The following RWDD3 variants were observed in gnomAD, a reference collection of about 807,000 sequenced individuals.
RWDD3 encodes the protein RWD domain containing 3.
A neutral mutation model predicts 26.5 loss-of-function variants in RWDD3; 30 were observed. The observed-to-expected ratio is 1.13, with a 90% CI of 0.85 to 1.54. The LOEUF (loss-of-function observed/expected upper bound fraction) is 1.54. Ranked by LOEUF, RWDD3 falls within the 40% of genes most tolerant of loss-of-function variation. RWDD3 has a pLI of 0.00. For missense variants in RWDD3, 296 were observed against 309.1 expected, an observed-to-expected ratio of 0.96 and a Z score of 0.32; for synonymous variants, 113 against 114.5, an observed-to-expected ratio of 0.99 and a Z score of 0.09.
chr1:95,239,218 G>C (rs12145650), intron 1 of RWDD3, among the ~76,000 whole-genome samples: 3,308 of 152,234 alleles, frequency 0.022, 89 homozygotes, highest in African/African-American at 0.062. Context: ...GCAGAGATTA[G>C]TATTAGATTT....
chr1:95,234,322 A>T lies in RWDD3; in HGVS notation c.85+7A>T. 6.3e-7 allele frequency: 1 copy of T among 1,584,984 alleles called. No individual in the cohort carries two copies. Among genetic ancestry groups the T allele is most frequent in the Non-Finnish European group, 8.6e-7 (1 of 1,165,672 alleles). ...GAGGTGCTGAGCCGCTCAGGTGACT[A>T]CCCGCGCGCGGGAGGGACAGGGCGC... On this transcript the variant is annotated splice_region_variant and intron_variant, in intron 1 of 3. Transcript: ENST00000370202.
chr1:95,234,433 G>C (rs888441497), intron 1 of RWDD3, 118 bp downstream of exon 1: 1 of 920,484 alleles, frequency 1.1e-6, no homozygotes, highest in African/African-American at 1.7e-5. Context: ...TGGGGACCGG[G>C]TTAGTTGAAT....
rs1680762837 is a variant in RWDD3, at chr1:95,244,431, G to T, written c.306G>T (p.Glu102Asp). 7 of 1,614,092 alleles carry T rather than the reference G, an allele frequency of 4.3e-6. No individual in the cohort carries two copies. Among genetic ancestry groups the T allele is most frequent in the Non-Finnish European group, 5.9e-6 (7 of 1,180,050 alleles). ...ESLLSEPMVH[E>D]LVLWIQQNLR... Reference sequence around the variant, plus strand: ...TTTTGTCGGAGCCTATGGTTCATGAGCTGGTTCTCTGGATTCAGCAGAATC... The same window carrying T: ...TTTTGTCGGAGCCTATGGTTCATGATCTGGTTCTCTGGATTCAGCAGAATC... The change falls in exon 2 of 4, where the codon GAG (glutamate) becomes GAT (aspartate). Residue 102 changes from glutamate to aspartate, a missense_variant. Coordinates refer to ENST00000370202, the MANE Select transcript of RWDD3 (RefSeq NM_015485.5).
At chr1:95,246,390 T>A (rs1680851260) in intron 2 of RWDD3, 152 bp from the exon 3 acceptor site, 1 of 565,432 alleles carries the variant, frequency 1.8e-6, no homozygotes, top group Non-Finnish European at 3.2e-6. Flanking sequence ...CTGCCAAGTA[T>A]GTTAAAACAA....
intron 1 of RWDD3, 97 bp from the exon 2 acceptor site, chr1:95,244,114 A>G: frequency 6.6e-7 from 1 of 1,509,810 alleles, no homozygotes; most frequent in Non-Finnish European, 8.8e-7. Flanking sequence ...TTTCTCATGA[A>G]AAATAAATTG....
chr1:95,236,367 G>T (rs915396889), intron 1 of RWDD3, among the ~76,000 whole-genome samples: 9 of 151,846 alleles, frequency 5.9e-5, no homozygotes, highest in African/African-American at 2.2e-4. Context: ...AAATGGGCTG[G>T]ATGTTGTGAG....
intron 1 of RWDD3, chr1:95,237,290 C>T (rs990556005): frequency 6.6e-6 from 1 of 152,216 alleles, no homozygotes; most frequent in Middle Eastern, 3.4e-3. Context: ...TTGGAGGATA[C>T]ACACTTGATA....
chr1:95,234,779 A>G lies in RWDD3; in HGVS notation c.85+464A>G, dbSNP rs181487166. ...TGCAGGAGGGCAGGGTCTGTTTGGT[A>G]ATGACTCCAGGCACCTGGTAGGTAG... On this transcript the variant is annotated intron_variant, in intron 1 of 3. Transcript: ENST00000370202. 5.2e-3 allele frequency among the ~76,000 whole-genome samples: 794 copies of G among 151,992 alleles called. 3 individuals carry two copies. The highest frequency in any genetic ancestry group is 9.3e-3 in the Non-Finnish European group (634 of 67,990).
Position 95,234,250 on chromosome 1 carries a change from A to G in RWDD3, c.20A>G (p.Glu7Gly), listed in dbSNP as rs1048028175. The change falls in exon 1 of 4, where the codon GAG becomes GGG. Residue 7 changes from glutamate (E) to glycine (G), a missense_variant. Coordinates refer to ENST00000370202, the MANE Select transcript of RWDD3 (RefSeq NM_015485.5). ...ACAGCCATGGCGGAGCCTGTGCAGGAGGAGCTCTCGGTCCTGGCCGCGATT... is the reference window on the plus strand; with the variant it reads ...ACAGCCATGGCGGAGCCTGTGCAGGGGGAGCTCTCGGTCCTGGCCGCGATT... MAEPVQ[E>G]ELSVLAAIFC... is the part of the protein sequence containing the mutation. The G allele has an allele frequency of 4.4e-6, 7 of 1,594,978 alleles. No homozygotes were observed. Among genetic ancestry groups the G allele is most frequent in the African/African-American group, 4.0e-5 (3 of 74,634 alleles).
intron 1 of RWDD3, among the ~76,000 whole-genome samples, chr1:95,235,343 C>T (rs1332952017): frequency 2.4e-4 from 27 of 114,796 alleles, no homozygotes; most frequent in African/African-American, 7.9e-4. Context: ...TGAGCCACTG[C>T]GCCCGGCCTT....
chr1:95,236,053 G>A (rs563508921), intron 1 of RWDD3, among the ~76,000 whole-genome samples: 34 of 152,142 alleles, frequency 2.2e-4, no homozygotes, highest in Middle Eastern at 3.4e-3. Context: ...TAGGCCTGGC[G>A]CGTGGCTCAT....
intron 2 of RWDD3, 29 bp from the exon 3 acceptor site, chr1:95,246,513 T>C (rs750169225): frequency 2.4e-6 from 3 of 1,275,684 alleles, no homozygotes; most frequent in South Asian, 1.2e-5. Context: ...GAGTAAGATA[T>C]GTATTTAATG....
At chr1:95,234,346 G>T (rs747422342) in intron 1 of RWDD3, 31 bp downstream of exon 1, 1 of 1,553,088 alleles carries the variant, frequency 6.4e-7, no homozygotes, top group South Asian at 1.2e-5. Context: ...GGGACAGGGC[G>T]CCCTCAGGGG....
rs191916164 is a variant in RWDD3 at position 95,241,176 on chromosome 1, C to T, written c.86-3035C>T. ...AGATGATTAAAAAAAAAAGTATAAT[C>T]AAGTGGCCCAGCAGTTCCTAGGCAG... On this transcript the variant is annotated intron_variant, in intron 1 of 3. Transcript: ENST00000370202. 1.9e-3 allele frequency among the ~76,000 whole-genome samples: 296 copies of T among 152,094 alleles called. 1 individual carries two copies. Among genetic ancestry groups the T allele is most frequent in the African/African-American group, 6.9e-3 (285 of 41,464 alleles).
Position 95,234,308 on chromosome 1 carries a change from C to T in RWDD3, c.78C>T (p.Ser26=), listed in dbSNP as rs369096502. The change falls in exon 1 of 4, where the codon AGC becomes AGT. Residue 26 remains serine (S), a synonymous_variant. Coordinates refer to ENST00000370202, the MANE Select transcript of RWDD3 (RefSeq NM_015485.5). ...GGCCCCACGAGTGGGAGGTGCTGAG[C>T]CGCTCAGGTGACTACCCGCGCGCGG... ...FCRPHEWEVL[S]RSETDGTVFR... 172 of 1,593,194 alleles carry T rather than the reference C, an allele frequency of 1.1e-4. No homozygotes were observed. The African/African-American group carries it at 2.2e-3, about 20-fold the overall frequency.
At chr1:95,234,397 C>T in intron 1 of RWDD3, 82 bp downstream of exon 1, 1 of 1,317,214 alleles carries the variant, frequency 7.6e-7, no homozygotes, top group Admixed American at 2.0e-5. Flanking sequence ...ACCACGGAGC[C>T]TGGGCACCCC....
intron 1 of RWDD3, 124 bp downstream of exon 1, chr1:95,234,439 T>C: frequency 1.2e-6 from 1 of 868,350 alleles, no homozygotes; most frequent in Non-Finnish European, 1.8e-6. Flanking sequence ...CCGGGTTAGT[T>C]GAATGATGGA....
chr1:95,246,581 G>C lies in RWDD3; in HGVS notation c.613G>C (p.Asp205His), dbSNP rs555244027. ...TCAGAAAACCTCCAAAGTAGATGTG[G>C]ACTCAAGTGGAAAGAAATGCAAAGA... is the stretch of plus-strand genomic sequence containing the variant. ...ILQKTSKVDV[D>H]SSGKKCKEKM... Residue 205 changes from aspartate to histidine, a missense_variant, in exon 3 of 4, where the codon GAC becomes CAC. Transcript: ENST00000370202. The C allele has an allele frequency of 6.2e-7, 1 of 1,612,436 alleles. No homozygotes were observed. Among genetic ancestry groups the C allele is most frequent in the Non-Finnish European group, 8.5e-7 (1 of 1,178,884 alleles).
chr1:95,241,662 G>A (rs1166393961), intron 1 of RWDD3, among the ~76,000 whole-genome samples: 5 of 152,300 alleles, frequency 3.3e-5, no homozygotes, highest in African/African-American at 4.8e-5. Flanking sequence ...CATCCGACCC[G>A]CAGACACTGA....
Sources: gnomAD v4.1 joint callset for allele counts (sites outside exome capture counted in the v4.1 genomes callset) on GRCh38, gnomAD v4.1.1 for gene constraint, MANE v1.5 for transcripts, NCBI Gene and HGNC (gene_info 2026-07-23, HGNC 2026-07-21) for gene names.